The following HCN1 variants were observed in gnomAD, a reference collection of about 807,000 sequenced individuals.
The protein encoded by HCN1 is hyperpolarization activated cyclic nucleotide gated potassium channel 1, also known as potassium/sodium hyperpolarization-activated cyclic nucleotide-gated channel 1.
In HCN1, 13 loss-of-function variants were observed where a neutral mutation model predicts 78.9. That is an observed-to-expected ratio of 0.16 (90% confidence interval 0.11 to 0.26). The LOEUF (loss-of-function observed/expected upper bound fraction) is 0.26, where lower values mean the gene tolerates loss of function less well. HCN1 is among the 10% of genes least tolerant of loss of function. HCN1 has a pLI of 1.00. For synonymous variants in HCN1, 552 were observed against 455.5 expected (o/e 1.21, Z -2.70); for missense variants, 810 against 1,154.3 (o/e 0.70, Z 4.32).
chr5:45,442,211 C>G (rs544698782), intron 3 of HCN1, among the ~76,000 whole-genome samples: 79 of 152,192 alleles, frequency 5.2e-4, no homozygotes, highest in African/African-American at 1.9e-3. Flanking sequence ...TAGACAAATT[C>G]CTTTTCTTCT....
In HCN1 at chr5:45,259,734, A is replaced by G. The variant is rs1744691627; in HGVS notation, c.*2187T>C. ...TAGTGCTCAAAATAAAAAACCAAAAATTTATATATATAAAAATATTTCACT... is the reference window on the plus strand; with the variant it reads ...TAGTGCTCAAAATAAAAAACCAAAAGTTTATATATATAAAAATATTTCACT... On this transcript the variant is annotated 3_prime_UTR_variant, in exon 8 of 8. Coordinates refer to ENST00000303230, the MANE Select transcript of HCN1 (RefSeq NM_021072.4). 6.6e-6 allele frequency: 1 copy of G among 152,362 alleles called. No homozygotes were observed. Among genetic ancestry groups the G allele is most frequent in the Admixed American group, 6.6e-5 (1 of 15,258 alleles). 9.4% of individuals were successfully genotyped at this position (152,362 alleles called of 1,614,324 possible).
intron 2 of HCN1, among the ~76,000 whole-genome samples, chr5:45,503,527 A>G (rs1742232518): frequency 6.6e-6 from 1 of 152,184 alleles, no homozygotes; most frequent in African/African-American, 2.4e-5. Context: ...AGACAATCCA[A>G]AAATTTTTAA....
In HCN1 at chr5:45,257,374, G is replaced by A. The variant is rs1376629829; in HGVS notation, c.*4547C>T. On this transcript the variant is annotated 3_prime_UTR_variant, in exon 8 of 8. Transcript: ENST00000303230. ...TGTTAAACATCCACATTTTAGAAAA[G>A]CATGCTTAATTTTTCACTAAATGAT... The A allele has an allele frequency of 6.6e-6, 1 of 152,100 alleles. No homozygotes were observed. The highest frequency in any genetic ancestry group is 1.5e-5 in the Non-Finnish European group (1 of 68,026). The allele number at this position is 152,100 out of a possible 1,614,324, so 9.4% of individuals were successfully genotyped here. A position where few individuals can be genotyped will look rare whatever the true frequency, so the allele number is the denominator to read the frequency against.
intron 1 of HCN1, among the ~76,000 whole-genome samples, chr5:45,679,530 T>C (rs138134832): frequency 2.8e-4 from 42 of 152,120 alleles, no homozygotes; most frequent in Admixed American, 1.3e-3. Context: ...TAAAACAACA[T>C]AGAAGCATGC....
intron 6 of HCN1, among the ~76,000 whole-genome samples, chr5:45,299,102 T>C (rs1242356374): frequency 6.6e-6 from 1 of 151,910 alleles, no homozygotes; most frequent in East Asian, 1.9e-4. Flanking sequence ...CCAAGAAACT[T>C]TAATGATTAA....
At chr5:45,358,598 CA>C (rs1747050037) in intron 4 of HCN1, among the ~76,000 whole-genome samples, 1 of 152,068 alleles carries the variant, frequency 6.6e-6, no homozygotes, top group Non-Finnish European at 1.5e-5. Flanking sequence ...ATGATTCAGA[CA>C]GAGACATCTT....
intron 3 of HCN1, among the ~76,000 whole-genome samples, chr5:45,412,409 G>T (rs1449613794): frequency 1.3e-5 from 2 of 152,034 alleles, no homozygotes; most frequent in Non-Finnish European, 2.9e-5. Context: ...GTACCTCCAG[G>T]TTCTATGGAT....
intron 3 of HCN1, among the ~76,000 whole-genome samples, chr5:45,450,123 G>A (rs1008708930): frequency 6.6e-6 from 1 of 152,148 alleles, no homozygotes; most frequent in Non-Finnish European, 1.5e-5. Context: ...GAGCCACCGC[G>A]CCCAGCCGAA....
At chr5:45,327,514 C>G (rs967661403) in intron 5 of HCN1, among the ~76,000 whole-genome samples, 4 of 151,544 alleles carry the variant, frequency 2.6e-5, no homozygotes, top group African/African-American at 7.3e-5. Flanking sequence ...GTCCTAAAAT[C>G]AGGCAAGAGT....
chr5:45,344,770 T>C (rs1416615877), intron 5 of HCN1, among the ~76,000 whole-genome samples: 1 of 152,178 alleles, frequency 6.6e-6, no homozygotes, highest in Non-Finnish European at 1.5e-5. Context: ...GTACAGCCCA[T>C]CTACCAGCTG....
chr5:45,384,310 A>G (rs971621244), intron 4 of HCN1, among the ~76,000 whole-genome samples: 1 of 152,186 alleles, frequency 6.6e-6, no homozygotes, highest in African/African-American at 2.4e-5. Context: ...AATGATGTCT[A>G]TATTACATCC....
At chr5:45,372,037 T>TATGTTATATATATAATATAATTATAC (rs1747385126) in intron 4 of HCN1, among the ~76,000 whole-genome samples, 1 of 53,032 alleles carries the variant, frequency 1.9e-5, no homozygotes, top group Non-Finnish European at 2.9e-5. Context: ...TATAATTATA[T>TATGTTATATATATAATATAATTATAC]ATATATTATA....
intron 2 of HCN1, among the ~76,000 whole-genome samples, chr5:45,504,655 G>GGA (rs1742259637): frequency 1.3e-5 from 2 of 152,102 alleles, no homozygotes; most frequent in Non-Finnish European, 2.9e-5. Flanking sequence ...TCTAGTTCTA[G>GGA]ATCCTTGAGG....
At chr5:45,378,444 T>C (rs1747735377) in intron 4 of HCN1, among the ~76,000 whole-genome samples, 1 of 152,086 alleles carries the variant, frequency 6.6e-6, no homozygotes, top group East Asian at 1.9e-4. Context: ...ATATGTTCCA[T>C]GTGAGTTTGA....
rs1042888744 is a variant in HCN1, at chr5:45,255,216, A to T, written c.*6705T>A. 6.6e-6 allele frequency: 1 copy of T among 152,210 alleles called. No homozygotes were observed. The highest frequency in any genetic ancestry group is 2.4e-5 in the African/African-American group (1 of 41,454). 9.4% of individuals were successfully genotyped at this position (152,210 alleles called of 1,614,324 possible). A position where few individuals can be genotyped will look rare whatever the true frequency, so the allele number is the denominator to read the frequency against. On this transcript the variant is annotated 3_prime_UTR_variant, in exon 8 of 8. Transcript: ENST00000303230. Reference sequence around the variant, plus strand: ...TTGGATGGTCCAGGATAAAATTATAACATAGGTGGTTTGTCGTTGCTTGTG... The same window carrying T: ...TTGGATGGTCCAGGATAAAATTATATCATAGGTGGTTTGTCGTTGCTTGTG...
intron 2 of HCN1, among the ~76,000 whole-genome samples, chr5:45,494,757 A>G (rs1377308929): frequency 1.3e-5 from 2 of 152,138 alleles, no homozygotes; most frequent in Non-Finnish European, 2.9e-5. Context: ...TCTTTACTCC[A>G]TCTTGAATTA....
At chr5:45,598,688 C>T (rs1007460437) in intron 2 of HCN1, among the ~76,000 whole-genome samples, 1 of 152,134 alleles carries the variant, frequency 6.6e-6, no homozygotes, top group Non-Finnish European at 1.5e-5. Context: ...TGCTAATATC[C>T]AGAATCTACA....
chr5:45,594,109 T>C (rs1198123785), intron 2 of HCN1, among the ~76,000 whole-genome samples: 1 of 152,204 alleles, frequency 6.6e-6, no homozygotes, highest in African/African-American at 2.4e-5. Context: ...TACTAAATGG[T>C]TTCCCTTAGC....
chr5:45,664,051 A>C (rs948086295), intron 1 of HCN1, among the ~76,000 whole-genome samples: 1 of 133,628 alleles, frequency 7.5e-6, no homozygotes, highest in Non-Finnish European at 1.6e-5. Flanking sequence ...AAGACTTGGA[A>C]CCAACCCAAA....
Sources: allele counts gnomAD v4.1 joint callset (sites outside exome capture counted in the v4.1 genomes callset), GRCh38; gene constraint gnomAD v4.1.1; transcripts MANE v1.5; gene names NCBI Gene and HGNC (gene_info 2026-07-23, HGNC 2026-07-21).